The following ERCC8 variants were observed in gnomAD, a reference collection of about 807,000 sequenced individuals.
The protein encoded by ERCC8 is ERCC excision repair 8, CSA ubiquitin ligase complex subunit.
ERCC8 carries 52 observed loss-of-function variants against 54.9 expected under a neutral mutation model. That is an observed-to-expected ratio of 0.95 (90% CI 0.76 to 1.19). The LOEUF (loss-of-function observed/expected upper bound fraction) is 1.19, where lower values mean the gene tolerates loss of function less well. Among genes scored for constraint, ERCC8 ranks in the 50% most tolerant of loss-of-function variants. The probability of loss-of-function intolerance (pLI) is 0.00; values close to 1 mark genes in which losing one functional copy is unlikely to be tolerated. For synonymous variants in ERCC8, 146 were observed against 157.2 expected, an observed-to-expected ratio of 0.93 and a Z score of 0.53; for missense variants, 514 against 466.1, an observed-to-expected ratio of 1.10 and a Z score of -0.95.
rs535028536 is a variant in ERCC8, at chr5:60,896,008, G to A, written c.843+2268C>T. On this transcript the variant is annotated intron_variant, in intron 9 of 11. Transcript: ENST00000676185. ...TTTCTTTTCTTTTCTTTTTTGAGAC[G>A]GAGTTTTCGCTCTTATTGCCCAGGC... is the stretch of plus-strand genomic sequence containing the variant. 1.5e-4 allele frequency among the ~76,000 whole-genome samples: 23 copies of A among 152,010 alleles called. 1 individual carries two copies. In the South Asian group the frequency reaches 3.7e-3, roughly 25 times the overall value.
chr5:60,933,453 A>C (rs1202208985), intron 1 of ERCC8, among the ~76,000 whole-genome samples: 3 of 152,084 alleles, frequency 2.0e-5, no homozygotes, highest in African/African-American at 7.2e-5. Context: ...TCCTGACTGC[A>C]GGTGATTCAC....
At chr5:60,927,857 C>T (rs574329218) in intron 2 of ERCC8, among the ~76,000 whole-genome samples, 126 of 152,270 alleles carry the variant, frequency 8.3e-4, no homozygotes, top group Non-Finnish European at 1.5e-3. Context: ...AGATGTTTCT[C>T]ATATACTAGT....
In ERCC8 at chr5:60,903,800, C is replaced by T. The variant is rs1748973065; in HGVS notation, c.482-84G>A. Reference sequence around the variant, plus strand: ...AAGACATTATCATTAGTAATCATGACATTTTCACTGTATCCATGCAGAAAT... The same window carrying T: ...AAGACATTATCATTAGTAATCATGATATTTTCACTGTATCCATGCAGAAAT... On this transcript the variant is annotated intron_variant, in intron 5 of 11. Coordinates refer to ENST00000676185, the MANE Select transcript of ERCC8 (RefSeq NM_000082.4). 3.1e-6 allele frequency: 4 copies of T among 1,309,958 alleles called. No individual in the cohort carries two copies. The African/African-American group carries it at 4.4e-5, about 14-fold the overall frequency. 81.1% of individuals were successfully genotyped at this position (1,309,958 alleles called of 1,614,324 possible).
At position 60,891,100 on chromosome 5, in the gene ERCC8, A is replaced by G. The variant is rs1306323674; in HGVS notation, c.844-14T>C. The G allele has an allele frequency of 6.5e-7, 1 of 1,528,126 alleles. No homozygotes were observed. Among genetic ancestry groups the G allele is most frequent in the African/African-American group, 1.4e-5 (1 of 73,230 alleles). The allele number at this position is 1,528,126 out of a possible 1,614,324, so 94.7% of individuals were successfully genotyped here. ...TCCATAGTTCACCTGTAGGATTAAA[A>G]TAATAAGGTTACTCATCTCTGAAAT... is the stretch of plus-strand genomic sequence containing the variant. On this transcript the variant is annotated splice_polypyrimidine_tract_variant and intron_variant, in intron 9 of 11. Transcript: ENST00000676185.
intron 1 of ERCC8, among the ~76,000 whole-genome samples, chr5:60,938,036 CATACATACATACATATATATATATATAT>C (rs1561518854): frequency 2.0e-4 from 3 of 15,000 alleles, no homozygotes; most frequent in African/African-American, 4.9e-4. Context: ...TACATACATA[CATACATACATACATATATATATATATAT>C]ATATATATAT....
chr5:60,927,617 C>T (rs2112530408), intron 2 of ERCC8, among the ~76,000 whole-genome samples: 1 of 152,306 alleles, frequency 6.6e-6, no homozygotes, highest in Middle Eastern at 3.4e-3. Context: ...ACAGGCCACA[C>T]AACTGATTAC....
intron 4 of ERCC8, among the ~76,000 whole-genome samples, chr5:60,914,656 G>T (rs559529644): frequency 1.2e-3 from 180 of 151,810 alleles, no homozygotes; most frequent in Non-Finnish European, 1.9e-3. Flanking sequence ...CGGAGATGGT[G>T]GTGCACACCT....
At chr5:60,931,681 C>T (rs1749912120) in intron 1 of ERCC8, among the ~76,000 whole-genome samples, 1 of 151,542 alleles carries the variant, frequency 6.6e-6, no homozygotes, top group South Asian at 2.1e-4. Context: ...TTCATCAAAA[C>T]TTTTTTTTTC....
At chr5:60,899,772 T>C in intron 7 of ERCC8, 45 bp from the exon 8 acceptor site, 1 of 1,380,972 alleles carries the variant, frequency 7.2e-7, no homozygotes, top group Non-Finnish European at 1.0e-6. Context: ...GCTAGGACAA[T>C]GACTGTACCC....
At chr5:60,918,110 G>A (rs1561510198) in intron 4 of ERCC8, 155 bp downstream of exon 4, 3 of 642,860 alleles carry the variant, frequency 4.7e-6, no homozygotes, top group Non-Finnish European at 8.5e-6. Flanking sequence ...AGCACAGCCA[G>A]GATATGAACT....
intron 2 of ERCC8, 34 bp downstream of exon 2, chr5:60,928,826 TAGAA>T (rs763870903): frequency 2.5e-6 from 3 of 1,194,008 alleles, no homozygotes; most frequent in South Asian, 1.3e-5. Flanking sequence ...GCATTTCACT[TAGAA>T]AGAAAAATGA....
At chr5:60,899,750 T>TA in intron 7 of ERCC8, 23 bp from the exon 8 acceptor site, 2 of 1,539,430 alleles carry the variant, frequency 1.3e-6, no homozygotes, top group Non-Finnish European at 1.8e-6. Context: ...AAATGTTACA[T>TA]TGACATATGT....
intron 1 of ERCC8, among the ~76,000 whole-genome samples, chr5:60,942,481 T>C: frequency 6.6e-6 from 1 of 152,100 alleles, no homozygotes; most frequent in East Asian, 1.9e-4. Flanking sequence ...AAGGAATTGA[T>C]ACATGCAATA....
chr5:60,903,224 C>T (rs1185441469), intron 6 of ERCC8: 13 of 170,228 alleles, frequency 7.6e-5, no homozygotes, highest in Admixed American at 5.7e-4. Flanking sequence ...AATTTAAATA[C>T]ACCTTTACCA....
chr5:60,887,336 G>T (rs1353753106), intron 11 of ERCC8, 104 bp downstream of exon 11: 17 of 959,868 alleles, frequency 1.8e-5, no homozygotes, highest in Non-Finnish European at 2.5e-5. Context: ...ATAGGTGCAT[G>T]CCACTGGCAA....
At chr5:60,935,087 T>C (rs992244509) in intron 1 of ERCC8, among the ~76,000 whole-genome samples, 4 of 152,168 alleles carry the variant, frequency 2.6e-5, no homozygotes, top group African/African-American at 7.2e-5. Context: ...ATGGTGGTAT[T>C]TGATGGAAGT....
Position 60,902,489 on chromosome 5 carries a change from T to A in ERCC8, c.570A>T (p.Leu190Phe), listed in dbSNP as rs753396435. 5.0e-6 allele frequency: 8 copies of A among 1,612,212 alleles called. No individual in the cohort carries two copies. In the Admixed American group the frequency reaches 1.3e-4, roughly 27 times the overall value. The change falls in exon 7 of 12, where the codon TTA becomes TTT. Residue 190 changes from leucine to phenylalanine, a missense_variant. By Grantham distance (22) the Leu-to-Phe change is conservative (BLOSUM62 0). Coordinates refer to ENST00000676185, the MANE Select transcript of ERCC8 (RefSeq NM_000082.4). ...HILQGHRQEI[L>F]AVSWSPRYDY... is the part of the protein sequence containing the mutation. ...CATAACGTGGAGACCAGGAAACTGC[T>A]AATATTTCTTGTCTGTGACCTGCAA...
chr5:60,931,072 G>A (rs1397846163), intron 1 of ERCC8, among the ~76,000 whole-genome samples: 1 of 151,236 alleles, frequency 6.6e-6, no homozygotes, highest in Non-Finnish European at 1.5e-5. Flanking sequence ...TCATGCCACT[G>A]CACTCTATAC....
rs1747760909 is a variant in ERCC8 at position 60,866,907 on chromosome 5, C to T, written c.*7708G>A. The T allele has an allele frequency of 6.6e-6, 1 of 152,050 alleles. No individual in the cohort carries two copies. The highest frequency in any genetic ancestry group is 6.6e-5 in the Admixed American group (1 of 15,262). The allele number at this position is 152,050 out of a possible 1,614,324, so 9.4% of individuals were successfully genotyped here. On this transcript the variant is annotated 3_prime_UTR_variant, in exon 12 of 12. Coordinates refer to ENST00000676185, the MANE Select transcript of ERCC8 (RefSeq NM_000082.4). ...TTGTCCAGGCCGGAGTGCAGTGGCG[C>T]AATCTCGGCTTACTGCAAGCGCTGC...
Sources: gnomAD v4.1 joint callset for allele counts (sites outside exome capture counted in the v4.1 genomes callset) on GRCh38, gnomAD v4.1.1 for gene constraint, MANE v1.5 for transcripts, NCBI Gene and HGNC (gene_info 2026-07-23, HGNC 2026-07-21) for gene names.